DPY19L4: variants seen among roughly 807,000 people sequenced by gnomAD.
DPY19L4 encodes the protein dpy-19 like 4, also known as probable C-mannosyltransferase DPY19L4.
In DPY19L4, 97 loss-of-function variants were observed where a neutral mutation model predicts 102.8. That is an observed-to-expected ratio of 0.94 (90% CI 0.80 to 1.12). The LOEUF is 1.12. Ranked by LOEUF, DPY19L4 falls within the 50% of genes most tolerant of loss-of-function variation. DPY19L4 has a pLI of 0.00. For synonymous variants in DPY19L4, 252 were observed against 283.1 expected (o/e 0.89, Z 1.10); for missense variants, 815 against 850.4 (o/e 0.96, Z 0.52).
rs574798261 is a variant in DPY19L4, at chr8:94,763,543, CAG to C, written c.871-1637_871-1636del. 1.9e-3 allele frequency among the ~76,000 whole-genome samples: 283 copies of C among 149,346 alleles called. 1 individual carries two copies. The highest frequency in any genetic ancestry group is 6.7e-3 in the African/African-American group (272 of 40,592). On this transcript the variant is annotated intron_variant, in intron 8 of 18. Coordinates refer to ENST00000414645, the MANE Select transcript of DPY19L4 (RefSeq NM_181787.3). ...CTTTTTTTTTTTTCTTTTTTTGAGACAGAGTCTTGCTCTGTCACCCAGGCTGG... is the reference window on the plus strand; with the variant it reads ...CTTTTTTTTTTTTCTTTTTTTGAGACAGTCTTGCTCTGTCACCCAGGCTGG...
rs1813930638 is a variant in DPY19L4 at position 94,793,171 on chromosome 8, A to G, written c.*3261A>G. On this transcript the variant is annotated 3_prime_UTR_variant, in exon 19 of 19. Transcript: ENST00000414645. ...ATTGCTAATAGCTTCATGTTACGGCATTCTTCCACACAGTCCAGATTGATT... is the reference window on the plus strand; with the variant it reads ...ATTGCTAATAGCTTCATGTTACGGCGTTCTTCCACACAGTCCAGATTGATT... The G allele has an allele frequency of 2.0e-5, 3 of 152,176 alleles. No individual in the cohort carries two copies. In the South Asian group the frequency reaches 6.2e-4, roughly 32 times the overall value. 9.4% of individuals were successfully genotyped at this position (152,176 alleles called of 1,614,324 possible).
At chr8:94,743,775 G>A (rs896498501) in intron 6 of DPY19L4, among the ~76,000 whole-genome samples, 1 of 152,220 alleles carries the variant, frequency 6.6e-6, no homozygotes, top group East Asian at 1.9e-4. Context: ...GGAGGCTGAG[G>A]CGGGTGGATC....
At chr8:94,773,639 A>G (rs1813032114) in intron 13 of DPY19L4, among the ~76,000 whole-genome samples, 1 of 151,910 alleles carries the variant, frequency 6.6e-6, no homozygotes, top group Admixed American at 6.6e-5. Flanking sequence ...CATGTTGGTC[A>G]GGCTGGTCTT....
Position 94,783,823 on chromosome 8 carries a change from C to T in DPY19L4, c.1848+21C>T, listed in dbSNP as rs1184322709. The T allele has an allele frequency of 3.7e-6, 6 of 1,612,690 alleles. No homozygotes were observed. In the East Asian group the frequency reaches 1.1e-4, roughly 30 times the overall value. On this transcript the variant is annotated intron_variant, in intron 17 of 18. Coordinates refer to ENST00000414645, the MANE Select transcript of DPY19L4 (RefSeq NM_181787.3). ...AAAATGTAAGACATTTTAAATTCTACATTTGGATCTCTTTTCCAGCACTTT... is the reference window on the plus strand; with the variant it reads ...AAAATGTAAGACATTTTAAATTCTATATTTGGATCTCTTTTCCAGCACTTT...
rs192132241 is a variant in DPY19L4, at chr8:94,748,762, C to T, written c.612-7274C>T. Among the ~76,000 whole-genome samples, 5 of 152,266 alleles carry T rather than the reference C, an allele frequency of 3.3e-5. No homozygotes were observed. The East Asian group carries it at 5.8e-4, about 18-fold the overall frequency. Reference sequence around the variant, plus strand: ...GAGGCATTATATTCTCATAGGAGCACGAACCCTATTGTGAACTGCGCATTT... The same window carrying T: ...GAGGCATTATATTCTCATAGGAGCATGAACCCTATTGTGAACTGCGCATTT... On this transcript the variant is annotated intron_variant, in intron 6 of 18. Transcript: ENST00000414645.
chr8:94,762,457 G>T (rs181296746), intron 8 of DPY19L4, among the ~76,000 whole-genome samples: 15 of 152,288 alleles, frequency 9.8e-5, no homozygotes, highest in Middle Eastern at 6.8e-3. Flanking sequence ...TACTGGCAGA[G>T]CTTCATAGGG....
intron 14 of DPY19L4, among the ~76,000 whole-genome samples, chr8:94,778,173 T>C (rs1450040113): frequency 1.3e-5 from 2 of 151,936 alleles, no homozygotes; most frequent in East Asian, 1.9e-4. Flanking sequence ...AGGCAGAGGT[T>C]GCAGTGAGCC....
At chr8:94,767,197 C>T (rs1022008823) in intron 11 of DPY19L4, among the ~76,000 whole-genome samples, 1 of 152,140 alleles carries the variant, frequency 6.6e-6, no homozygotes, top group African/African-American at 2.4e-5. Context: ...AACATCACTC[C>T]ATCTCTAACA....
At chr8:94,766,414 G>A (rs1812675065) in intron 10 of DPY19L4, among the ~76,000 whole-genome samples, 198 bp from the exon 11 acceptor site, 1 of 152,170 alleles carries the variant, frequency 6.6e-6, no homozygotes. Context: ...CTACGCCATT[G>A]TAGTTTATGC....
chr8:94,737,505 C>T (rs1811235571), intron 3 of DPY19L4, among the ~76,000 whole-genome samples: 1 of 151,912 alleles, frequency 6.6e-6, no homozygotes, highest in African/African-American at 2.4e-5. Context: ...CAAGTAAGGG[C>T]CAGGCGGTGA....
In DPY19L4 at chr8:94,759,500, C is replaced by CTTTTTTTT. The variant is rs1161705507; in HGVS notation, c.736-2184_736-2177dup. On this transcript the variant is annotated intron_variant, in intron 7 of 18. Transcript: ENST00000414645. The stretch of plus-strand genomic sequence containing the variant: ...AGCCACTGTGCCTGGTCTACATGTT[C>CTTTTTTTT]TTTTTTTTTTTTTTTTTTTTTTTGA... Among the ~76,000 whole-genome samples, 20 of 67,558 alleles carry CTTTTTTTT rather than the reference C, an allele frequency of 3.0e-4. 1 individual carries two copies. Among genetic ancestry groups the CTTTTTTTT allele is most frequent in the South Asian group, 6.2e-4 (1 of 1,608 alleles). The allele number at this position is 67,558 out of a possible 152,430, so 44.3% of individuals were successfully genotyped here. A position where few individuals can be genotyped will look rare whatever the true frequency, so the allele number is the denominator to read the frequency against.
At chr8:94,757,978 G>C (rs1281641794) in intron 7 of DPY19L4, among the ~76,000 whole-genome samples, 1 of 151,834 alleles carries the variant, frequency 6.6e-6, no homozygotes, top group Non-Finnish European at 1.5e-5. Flanking sequence ...TGGGTGTGGT[G>C]GTGCACAGCT....
At position 94,739,786 on chromosome 8, in the gene DPY19L4, A is replaced by T; in HGVS notation, c.607A>T (p.Asn203Tyr). 3 of 1,611,772 alleles carry T rather than the reference A, an allele frequency of 1.9e-6. No homozygotes were observed. In the South Asian group the frequency reaches 3.3e-5, roughly 18 times the overall value. ...GCTTACTGTTGCGTGGTTCGTTATT[A>T]ACAGGTAAGAAAGCTGTTTTAATTG... ...GMLTVAWFVI[N>Y]RVDTTRIEYS... Residue 203 changes from asparagine (N) to tyrosine (Y), a missense_variant, in exon 6 of 19, where the codon AAC becomes TAC. Transcript: ENST00000414645.
chr8:94,733,256 C>CT (rs1411993715), intron 2 of DPY19L4, among the ~76,000 whole-genome samples: 1 of 149,878 alleles, frequency 6.7e-6, no homozygotes, highest in Non-Finnish European at 1.5e-5. Flanking sequence ...TCCCAAGTAG[C>CT]TGGGACTACA....
intron 2 of DPY19L4, among the ~76,000 whole-genome samples, chr8:94,729,965 T>C (rs1810872237): frequency 6.6e-6 from 1 of 151,900 alleles, no homozygotes. Context: ...GGGTAGAAAA[T>C]GTGGAAAGTA....
Position 94,752,578 on chromosome 8 carries a change from T to G in DPY19L4, c.612-3458T>G, listed in dbSNP as rs1196582176. 3.9e-5 allele frequency among the ~76,000 whole-genome samples: 3 copies of G among 76,334 alleles called. 1 individual carries two copies. The highest frequency in any genetic ancestry group is 1.1e-3 in the South Asian group (2 of 1,890). The allele number at this position is 76,334 out of a possible 152,430, so 50.1% of individuals were successfully genotyped here. Reference sequence around the variant, plus strand: ...TCCAGCCTGGGTGACAGAGTGAGACTCCATCTCAAAAAAAAAAAAAAAAAA... The same window carrying G: ...TCCAGCCTGGGTGACAGAGTGAGACGCCATCTCAAAAAAAAAAAAAAAAAA... On this transcript the variant is annotated intron_variant, in intron 6 of 18. Coordinates refer to ENST00000414645, the MANE Select transcript of DPY19L4 (RefSeq NM_181787.3).
intron 7 of DPY19L4, among the ~76,000 whole-genome samples, chr8:94,756,798 C>T (rs887041522): frequency 3.5e-5 from 5 of 144,400 alleles, no homozygotes; most frequent in East Asian, 1.9e-4. Flanking sequence ...CTGAGAGGGG[C>T]GGACCCACCT....
rs1813900373 is a variant in DPY19L4, at chr8:94,791,956, T to G, written c.*2046T>G. Reference sequence around the variant, plus strand: ...TATGACAGATAAGTTTATTTGCTTCTGTTTTAACTGCAGTTAATAGTACTA... The same window carrying G: ...TATGACAGATAAGTTTATTTGCTTCGGTTTTAACTGCAGTTAATAGTACTA... On this transcript the variant is annotated 3_prime_UTR_variant, in exon 19 of 19. Coordinates refer to ENST00000414645, the MANE Select transcript of DPY19L4 (RefSeq NM_181787.3). 6.6e-6 allele frequency: 1 copy of G among 152,212 alleles called. No homozygotes were observed. The allele number at this position is 152,212 out of a possible 1,614,324, so 9.4% of individuals were successfully genotyped here.
intron 2 of DPY19L4, among the ~76,000 whole-genome samples, chr8:94,732,422 G>A (rs1586316323): frequency 6.6e-6 from 1 of 152,148 alleles, no homozygotes; most frequent in Non-Finnish European, 1.5e-5. Context: ...GCTGGAGGCA[G>A]TGGCTCATGT....
Sources: allele counts gnomAD v4.1 joint callset (sites outside exome capture counted in the v4.1 genomes callset), GRCh38; gene constraint gnomAD v4.1.1; transcripts MANE v1.5; gene names NCBI Gene and HGNC (gene_info 2026-07-23, HGNC 2026-07-21).